MACROH2A1: variants seen among roughly 807,000 people sequenced by gnomAD.
The protein encoded by MACROH2A1 is macroH2A.1 histone.
MACROH2A1 carries 2 observed loss-of-function variants against 31.6 expected under a neutral mutation model. The ratio of observed to expected loss-of-function variants is 0.06; its 90% CI spans 0.03 to 0.20. The LOEUF (loss-of-function observed/expected upper bound fraction) is 0.20. Ranked by LOEUF, MACROH2A1 falls within the 10% of genes least tolerant of loss-of-function variation. The probability of loss-of-function intolerance (pLI) is 1.00; values close to 1 mark genes in which losing one functional copy is unlikely to be tolerated. For missense variants in MACROH2A1, 230 were observed against 474.0 expected, an observed-to-expected ratio of 0.49 and a Z score of 4.78; for synonymous variants, 169 against 189.6, an observed-to-expected ratio of 0.89 and a Z score of 0.89.
In MACROH2A1 at chr5:135,334,897, G is replaced by A. The variant is rs923621405; in HGVS notation, c.*79C>T. ...AAAATGAAAGGGGTCCCACCTCCCA[G>A]TAGGAGTGAAGGGGATTTTTTTTTT... is the stretch of plus-strand genomic sequence containing the variant. On this transcript the variant is annotated 3_prime_UTR_variant, in exon 9 of 9. Transcript: ENST00000511689. The A allele has an allele frequency of 1.5e-5, 19 of 1,231,306 alleles. No homozygotes were observed. The highest frequency in any genetic ancestry group is 2.4e-5 in the East Asian group (1 of 42,538). The allele number at this position is 1,231,306 out of a possible 1,614,324, so 76.3% of individuals were successfully genotyped here. A position where few individuals can be genotyped will look rare whatever the true frequency, so the allele number is the denominator to read the frequency against.
intron 1 of MACROH2A1, among the ~76,000 whole-genome samples, chr5:135,392,793 C>T (rs1485546155): frequency 6.6e-6 from 1 of 152,122 alleles, no homozygotes; most frequent in African/African-American, 2.4e-5. Flanking sequence ...ATGGCTCTGC[C>T]GCTTACTGGC....
chr5:135,337,970 T>TGGCTGCTCTGGACTGC, intron 8 of MACROH2A1: 2 of 1,215,770 alleles, frequency 1.6e-6, no homozygotes, highest in Non-Finnish European at 2.1e-6. Flanking sequence ...TATGGGACTG[T>TGGCTGCTCTGGACTGC]GGCTGCTCTG....
rs529506446 is a variant in MACROH2A1, at chr5:135,371,215, G to A, written c.173-1073C>T. Among the ~76,000 whole-genome samples the A allele has an allele frequency of 3.6e-4, 55 of 152,230 alleles. 1 individual carries two copies. In the South Asian group the frequency reaches 9.1e-3, roughly 25 times the overall value. On this transcript the variant is annotated intron_variant, in intron 2 of 8. Coordinates refer to ENST00000511689, the MANE Select transcript of MACROH2A1 (RefSeq NM_138610.3). ...GGAATCAGGGACTGGGGGTGGGGTC[G>A]GGGCGAATGTTGGTCAAAGGACATA...
At position 135,340,063 on chromosome 5, in the gene MACROH2A1, C is replaced by T. The variant is rs193209894; in HGVS notation, c.953+3197G>A. Among the ~76,000 whole-genome samples the T allele has an allele frequency of 3.8e-4, 58 of 152,240 alleles. 1 individual carries two copies. The highest frequency in any genetic ancestry group is 1.8e-3 in the Admixed American group (28 of 15,296). ...GGTAGTGTTTTATGCACAGAGAGTACGCAGGCAGGGGGCAGTCCTATGGTG... is the reference window on the plus strand; with the variant it reads ...GGTAGTGTTTTATGCACAGAGAGTATGCAGGCAGGGGGCAGTCCTATGGTG... On this transcript the variant is annotated intron_variant, in intron 8 of 8. Coordinates refer to ENST00000511689, the MANE Select transcript of MACROH2A1 (RefSeq NM_138610.3).
intron 2 of MACROH2A1, among the ~76,000 whole-genome samples, chr5:135,372,909 G>A (rs972184953): frequency 6.6e-6 from 1 of 152,146 alleles, no homozygotes; most frequent in Non-Finnish European, 1.5e-5. Flanking sequence ...ACGAAGTTTT[G>A]GGCCATCGGT....
At chr5:135,343,872 G>C in intron 7 of MACROH2A1, 1 of 226,542 alleles carries the variant, frequency 4.4e-6, no homozygotes, top group Non-Finnish European at 8.8e-6. Flanking sequence ...TGATGTATTT[G>C]TCTCTACTAT....
At chr5:135,343,500 C>T (rs1404788298) in intron 7 of MACROH2A1, 66 bp from the exon 8 acceptor site, 1 of 1,593,470 alleles carries the variant, frequency 6.3e-7, no homozygotes, top group South Asian at 1.1e-5. Flanking sequence ...AGATGCCAAA[C>T]ACAGACCCAC....
chr5:135,396,811 T>A (rs951306098), intron 1 of MACROH2A1, among the ~76,000 whole-genome samples: 2 of 152,130 alleles, frequency 1.3e-5, no homozygotes, highest in Admixed American at 1.3e-4. Flanking sequence ...TCAGGAAATC[T>A]TTATGGAAAG....
rs918376957 is a variant in MACROH2A1 at position 135,360,089 on chromosome 5, G to A, written c.588+408C>T. 30 of 265,886 alleles carry A rather than the reference G, an allele frequency of 1.1e-4. 1 individual carries two copies. Among genetic ancestry groups the A allele is most frequent in the South Asian group, 9.7e-4 (20 of 20,640 alleles). The allele number at this position is 265,886 out of a possible 1,614,324, so 16.5% of individuals were successfully genotyped here. On this transcript the variant is annotated intron_variant, in intron 5 of 8. Transcript: ENST00000511689. Reference sequence around the variant, plus strand: ...CCTGAATCAGACCTGAGGCTCTACCGTTAGTGCCCCCCAGGACAAGCAGGC... The same window carrying A: ...CCTGAATCAGACCTGAGGCTCTACCATTAGTGCCCCCCAGGACAAGCAGGC...
chr5:135,344,529 G>A (rs1045455774), intron 7 of MACROH2A1: 1 of 152,174 alleles, frequency 6.6e-6, no homozygotes, highest in African/African-American at 2.4e-5. Flanking sequence ...TCTGCTTTGT[G>A]ACTGGGCTTG....
chr5:135,355,129 A>G (rs1158136609), intron 5 of MACROH2A1: 1 of 455,860 alleles, frequency 2.2e-6, no homozygotes, highest in East Asian at 7.0e-5. Context: ...AGCCAGGAAG[A>G]CCCCCTCAGT....
Position 135,359,134 on chromosome 5 carries a change from C to T in MACROH2A1, c.588+1363G>A. 4 of 984,978 alleles carry T rather than the reference C, an allele frequency of 4.1e-6. No individual in the cohort carries two copies. The South Asian group carries it at 1.4e-4, about 35-fold the overall frequency. 61.0% of individuals were successfully genotyped at this position (984,978 alleles called of 1,614,324 possible). On this transcript the variant is annotated intron_variant, in intron 5 of 8. Transcript: ENST00000511689. ...ATGAGGAATTCTGATCTGAGGCTGC[C>T]TTTGGAGTGGCTGGCAGGAGGTAAC...
Position 135,360,661 on chromosome 5 carries a change from T to C in MACROH2A1, c.478-54A>G, listed in dbSNP as rs942544980. ...GGCCACACAGACACAGGCATCCTAA[T>C]AGAGAGGCAGCTCCCAAGCCTCACC... On this transcript the variant is annotated intron_variant, in intron 4 of 8. Coordinates refer to ENST00000511689, the MANE Select transcript of MACROH2A1 (RefSeq NM_138610.3). 15 of 1,244,184 alleles carry C rather than the reference T, an allele frequency of 1.2e-5. 1 individual carries two copies. Among genetic ancestry groups the C allele is most frequent in the South Asian group, 2.4e-5 (2 of 83,610 alleles). 77.1% of individuals were successfully genotyped at this position (1,244,184 alleles called of 1,614,324 possible).
rs57605717 is a variant in MACROH2A1 at position 135,351,543 on chromosome 5, A to ATTTTTTTTTTTTTTTTT, written c.688+1386_688+1402dup. 9 of 48,496 alleles carry ATTTTTTTTTTTTTTTTT rather than the reference A, an allele frequency of 1.9e-4. 2 individuals carry two copies. The highest frequency in any genetic ancestry group is 2.3e-4 in the African/African-American group (3 of 13,008). The allele number at this position is 48,496 out of a possible 1,614,324, so 3.0% of individuals were successfully genotyped here. On this transcript the variant is annotated intron_variant, in intron 6 of 8. Transcript: ENST00000511689. ...TAGCCTATCTTATTTTTATGGTTTA[A>ATTTTTTTTTTTTTTTTT]TTTTTTTTTTTTTTTTTTTTTTTTT...
intron 2 of MACROH2A1, among the ~76,000 whole-genome samples, chr5:135,381,047 A>G (rs1417289007): frequency 2.0e-5 from 3 of 152,254 alleles, no homozygotes; most frequent in African/African-American, 7.2e-5. Context: ...GATAAAGCAG[A>G]AAATAAAAGT....
chr5:135,344,116 A>G (rs1581149261), intron 7 of MACROH2A1: 1 of 153,130 alleles, frequency 6.5e-6, no homozygotes, highest in Non-Finnish European at 1.5e-5. Flanking sequence ...CTTTCTAGCT[A>G]TACATCTCCA....
At chr5:135,377,098 C>G (rs527394027) in intron 2 of MACROH2A1, among the ~76,000 whole-genome samples, 2 of 152,228 alleles carry the variant, frequency 1.3e-5, no homozygotes, top group African/African-American at 4.8e-5. Flanking sequence ...AGGGCGCCCC[C>G]ACAGGCATCT....
At chr5:135,338,703 C>T (rs1290699227) in intron 8 of MACROH2A1, among the ~76,000 whole-genome samples, 1 of 152,222 alleles carries the variant, frequency 6.6e-6, no homozygotes, top group East Asian at 1.9e-4. Context: ...TCACTTGCTA[C>T]TTGCATAACC....
At chr5:135,386,389 C>T (rs765336100) in intron 2 of MACROH2A1, among the ~76,000 whole-genome samples, 1 of 152,226 alleles carries the variant, frequency 6.6e-6, no homozygotes. Context: ...GACTCAGTGC[C>T]GCATGCAGGC....
Sources: allele counts gnomAD v4.1 joint callset (sites outside exome capture counted in the v4.1 genomes callset), GRCh38; gene constraint gnomAD v4.1.1; transcripts MANE v1.5; gene names NCBI Gene and HGNC (gene_info 2026-07-23, HGNC 2026-07-21).